ZBBX: variants seen among roughly 807,000 people sequenced by gnomAD.
ZBBX encodes zinc finger B-box domain-containing protein 1.
In ZBBX, 101 loss-of-function variants were observed where a neutral mutation model predicts 108.5. That is an observed-to-expected ratio of 0.93 (90% CI 0.79 to 1.10). The LOEUF (loss-of-function observed/expected upper bound fraction) is 1.10. ZBBX is among the 50% of genes least tolerant of loss of function. The pLI is 0.00. For missense variants in ZBBX, 1,009 were observed against 941.4 expected (o/e 1.07, Z -0.94); for synonymous variants, 356 against 323.4 (o/e 1.10, Z -1.08).
chr3:167,405,678 G>A (rs1239125440), intron 1 of ZBBX, among the ~76,000 whole-genome samples: 2 of 152,198 alleles, frequency 1.3e-5, no homozygotes, highest in East Asian at 3.8e-4. Context: ...CCTGAAATTA[G>A]TAATTGAAGA....
chr3:167,398,748 A>G (rs1748328591), intron 1 of ZBBX, among the ~76,000 whole-genome samples: 1 of 152,058 alleles, frequency 6.6e-6, no homozygotes, highest in Non-Finnish European at 1.5e-5. Flanking sequence ...TCAGGGCATT[A>G]TCACAAGATG....
At chr3:167,187,193 T>G in the ZBBX span, among the ~76,000 whole-genome samples, 1 of 152,178 alleles carries the variant, frequency 6.6e-6, no homozygotes, top group South Asian at 2.1e-4. Context: ...CTTATTAAAA[T>G]GAAGAATTCT....
At chr3:167,255,484 T>C (rs990621438) in intron 20 of ZBBX, among the ~76,000 whole-genome samples, 4 of 152,054 alleles carry the variant, frequency 2.6e-5, no homozygotes, top group African/African-American at 9.7e-5. Context: ...CAAGAAACTA[T>C]AACTACAACA....
chr3:167,287,007 T>C (rs1463918845), intron 19 of ZBBX, among the ~76,000 whole-genome samples: 2 of 152,076 alleles, frequency 1.3e-5, no homozygotes, highest in East Asian at 3.8e-4. Context: ...CTCTAACTGG[T>C]AAATATTATA....
intron 9 of ZBBX, among the ~76,000 whole-genome samples, chr3:167,348,337 AAAG>A (rs1741950142): frequency 9.1e-6 from 1 of 110,300 alleles, no homozygotes; most frequent in Non-Finnish European, 1.8e-5. Context: ...AGAAAGAAAG[AAAG>A]AAAGAAAGAA....
intron 19 of ZBBX, among the ~76,000 whole-genome samples, chr3:167,286,493 A>G (rs1729731669): frequency 6.6e-6 from 1 of 152,166 alleles, no homozygotes; most frequent in African/African-American, 2.4e-5. Flanking sequence ...GACTATAAAT[A>G]GTAGAATATA....
At chr3:167,180,596 A>T in the ZBBX span, among the ~76,000 whole-genome samples, 2 of 152,210 alleles carry the variant, frequency 1.3e-5, no homozygotes, top group African/African-American at 4.8e-5. Context: ...ATAACATAAC[A>T]CTGTGAAAAT....
chr3:167,214,902 CA>C, the ZBBX span, among the ~76,000 whole-genome samples: 1 of 152,056 alleles, frequency 6.6e-6, no homozygotes, highest in Middle Eastern at 3.4e-3. Flanking sequence ...GAGTAAACGA[CA>C]AAATTAAAAC....
At chr3:167,406,300 CA>C (rs1269730906) in intron 1 of ZBBX, among the ~76,000 whole-genome samples, 8 of 152,304 alleles carry the variant, frequency 5.3e-5, no homozygotes, top group African/African-American at 1.9e-4. Flanking sequence ...TCACCACAAA[CA>C]GTGGTAAGGT....
intron 8 of ZBBX, among the ~76,000 whole-genome samples, chr3:167,353,254 G>A (rs1362340132): frequency 6.6e-6 from 1 of 151,946 alleles, no homozygotes; most frequent in East Asian, 1.9e-4. Context: ...CTCATCAATT[G>A]ATTGGATAAA....
intron 19 of ZBBX, among the ~76,000 whole-genome samples, chr3:167,287,705 C>T (rs1203986550): frequency 6.6e-6 from 1 of 152,046 alleles, no homozygotes; most frequent in Non-Finnish European, 1.5e-5. Flanking sequence ...TATACAGTGA[C>T]TTAAAGCAGT....
chr3:167,294,449 G>A (rs1731276246), intron 18 of ZBBX, among the ~76,000 whole-genome samples: 1 of 152,094 alleles, frequency 6.6e-6, no homozygotes, highest in South Asian at 2.1e-4. Context: ...AAAAGAAAAG[G>A]ACTCCCTATT....
At chr3:167,292,968 T>C (rs887677312) in intron 18 of ZBBX, among the ~76,000 whole-genome samples, 3 of 152,216 alleles carry the variant, frequency 2.0e-5, no homozygotes, top group South Asian at 2.1e-4. Context: ...GATAAATTCC[T>C]GGACACATAC....
chr3:167,363,064 A>G (rs576810533), intron 6 of ZBBX, among the ~76,000 whole-genome samples: 1 of 152,084 alleles, frequency 6.6e-6, no homozygotes, highest in South Asian at 2.1e-4. Context: ...CTGGCATGTA[A>G]GCAGCATTCT....
At chr3:167,383,555 C>T (rs78761078), upstream of ZBBX, among the ~76,000 whole-genome samples, 321 of 152,104 alleles carry the variant, frequency 2.1e-3, 2 homozygotes, top group African/African-American at 7.4e-3. Context: ...TAATTTTTCT[C>T]GGCTTTGTAA....
chr3:167,379,823 G>A (rs961830097), intron 1 of ZBBX, 31 bp from the exon 2 acceptor site: 1 of 152,212 alleles, frequency 6.6e-6, no homozygotes, highest in African/African-American at 2.4e-5. Context: ...TGGTTTCTCA[G>A]GGTGCCAAAT....
intron 10 of ZBBX, among the ~76,000 whole-genome samples, chr3:167,328,400 T>C (rs1158067662): frequency 6.6e-6 from 1 of 152,134 alleles, no homozygotes. Flanking sequence ...ACCAGTGTTC[T>C]CTCTGTAAAG....
At position 167,242,501 on chromosome 3, in the gene ZBBX, T is replaced by G; in HGVS notation, c.2393+4A>C. On this transcript the variant is annotated splice_donor_region_variant and intron_variant, in intron 21 of 21. Coordinates refer to ENST00000675490, the MANE Select transcript of ZBBX (RefSeq NM_001199201.2). ...TTAATAAATAAACTGCAGGCTTAAC[T>G]TACCTCAATTCCTCAACTCCACAGG... is the stretch of plus-strand genomic sequence containing the variant. The G allele has an allele frequency of 6.3e-7, 1 of 1,596,616 alleles. No homozygotes were observed. The highest frequency in any genetic ancestry group is 1.4e-5 in the African/African-American group (1 of 74,046).
chr3:167,317,966 C>T (rs1735740573), intron 12 of ZBBX, among the ~76,000 whole-genome samples: 1 of 151,942 alleles, frequency 6.6e-6, no homozygotes, highest in Admixed American at 6.6e-5. Flanking sequence ...ACAGTCTTGG[C>T]ATTGTGTTGA....
Sources: allele counts gnomAD v4.1 joint callset (sites outside exome capture counted in the v4.1 genomes callset), GRCh38; gene constraint gnomAD v4.1.1; transcripts MANE v1.5; gene names NCBI Gene and HGNC (gene_info 2026-07-23, HGNC 2026-07-21).